Variants in DIP2A observed in about 807,000 individuals in gnomAD.
DIP2A encodes the protein disco-interacting protein 2 homolog A.
Under a neutral mutation model 177.4 loss-of-function variants are expected in DIP2A, and 85 were observed. The ratio of observed to expected loss-of-function variants is 0.48; its 90% CI spans 0.40 to 0.57. The LOEUF (loss-of-function observed/expected upper bound fraction) is 0.57. Ranked by LOEUF, DIP2A falls within the 20% of genes least tolerant of loss-of-function variation. The pLI is 0.00. For missense variants in DIP2A, 1,791 were observed against 2,100.2 expected, an observed-to-expected ratio of 0.85 and a Z score of 2.88; for synonymous variants, 886 against 881.8, an observed-to-expected ratio of 1.00 and a Z score of -0.08.
At chr21:46,577,087 T>C in the DIP2A span, among the ~76,000 whole-genome samples, 12 of 152,208 alleles carry the variant, frequency 7.9e-5, no homozygotes, top group Admixed American at 2.0e-4. Flanking sequence ...GTCTGTTTGC[T>C]CTGATGATAG....
chr21:46,463,965 C>T (rs1388332979), intron 1 of DIP2A, among the ~76,000 whole-genome samples: 2 of 151,764 alleles, frequency 1.3e-5, no homozygotes, highest in African/African-American at 2.4e-5. Flanking sequence ...GCCTCGGCCT[C>T]CCAAAGTGCT....
chr21:46,547,690 G>A (rs966556071), intron 21 of DIP2A, among the ~76,000 whole-genome samples: 1 of 125,820 alleles, frequency 7.9e-6, no homozygotes, highest in Admixed American at 9.4e-5. Context: ...TTTAAAGATA[G>A]GGTCTCACTC....
rs540880873 is a variant in DIP2A, at chr21:46,519,515, G to A, written c.1102+7901G>A. On this transcript the variant is annotated intron_variant, in intron 8 of 37. Coordinates refer to ENST00000417564, the MANE Select transcript of DIP2A (RefSeq NM_015151.4). ...TATAACTTCTTCAGGCTGAACAGGA[G>A]TGATGACATTCCTGCCTAACTATTA... Among the ~76,000 whole-genome samples the A allele has an allele frequency of 5.9e-5, 9 of 152,316 alleles. No homozygotes were observed. In the South Asian group the frequency reaches 1.7e-3, roughly 28 times the overall value.
chr21:46,557,798 C>T lies in DIP2A; in HGVS notation c.3798+45C>T. The T allele has an allele frequency of 6.4e-7, 1 of 1,571,550 alleles. No individual in the cohort carries two copies. The highest frequency in any genetic ancestry group is 8.7e-7 in the Non-Finnish European group (1 of 1,152,480). On this transcript the variant is annotated intron_variant, in intron 31 of 37. Coordinates refer to ENST00000417564, the MANE Select transcript of DIP2A (RefSeq NM_015151.4). This position sits in a 1 kb window ranked among gnomAD's most constrained non-coding sequence, Gnocchi z 6.0. ...CTTCTGAGTGTGCTGCAGACCACAG[C>T]CCTGGGAAGTTTAAAAACAACAAAA...
At chr21:46,491,146 A>G (rs1424411311) in intron 3 of DIP2A, among the ~76,000 whole-genome samples, 1 of 151,700 alleles carries the variant, frequency 6.6e-6, no homozygotes, top group Non-Finnish European at 1.5e-5. Context: ...GATTTCTGCC[A>G]CTCTGTTTGG....
chr21:46,461,383 T>G (rs566318505), intron 1 of DIP2A, among the ~76,000 whole-genome samples: 3 of 151,010 alleles, frequency 2.0e-5, no homozygotes, highest in African/African-American at 7.3e-5. Context: ...TTTGACAGGA[T>G]CTACTGTACT....
At position 46,484,085 on chromosome 21, in the gene DIP2A, C is replaced by T. The variant is rs369603143; in HGVS notation, c.92-672C>T. Among the ~76,000 whole-genome samples, 87 of 152,308 alleles carry T rather than the reference C, an allele frequency of 5.7e-4. No homozygotes were observed. The Middle Eastern group carries it at 0.014, about 24-fold the overall frequency. On this transcript the variant is annotated intron_variant, in intron 1 of 37. Coordinates refer to ENST00000417564, the MANE Select transcript of DIP2A (RefSeq NM_015151.4). ...TTTTTCCTCCTTTCCCAAGGACACCCCTTGGCCTGGGACGGCTTGTGTCCC... is the reference window on the plus strand; with the variant it reads ...TTTTTCCTCCTTTCCCAAGGACACCTCTTGGCCTGGGACGGCTTGTGTCCC...
At chr21:46,555,387 TC>T in intron 28 of DIP2A, 1 of 221,632 alleles carries the variant, frequency 4.5e-6, no homozygotes, top group Non-Finnish European at 9.2e-6. Context: ...TGGACCTGTC[TC>T]AGCCTGGGCT....
At position 46,534,106 on chromosome 21, in the gene DIP2A, A is replaced by G. The variant is rs745612081; in HGVS notation, c.1532A>G (p.Tyr511Cys). ...CAGGACACAGGGACTGGGACTGCCTACATTGAGGTAATGACTGTTCCTAAC... is the reference window on the plus strand; with the variant it reads ...CAGGACACAGGGACTGGGACTGCCTGCATTGAGGTAATGACTGTTCCTAAC... ...LAQDTGTGTA[Y>C]IEYKTSKEGS... Residue 511 changes from tyrosine to cysteine, a missense_variant, in exon 12 of 38, where the codon TAC (tyrosine) becomes TGC (cysteine). Tyr to Cys is a radical substitution (Grantham distance 194). Coordinates refer to ENST00000417564, the MANE Select transcript of DIP2A (RefSeq NM_015151.4). The G allele has an allele frequency of 6.2e-7, 1 of 1,612,456 alleles. No homozygotes were observed. The highest frequency in any genetic ancestry group is 2.2e-5 in the East Asian group (1 of 44,852).
intron 32 of DIP2A, 168 bp downstream of exon 32, chr21:46,558,561 T>G (rs2148898805): frequency 1.4e-6 from 1 of 696,732 alleles, no homozygotes; most frequent in East Asian, 2.7e-5. Context: ...GTTTTATTTT[T>G]AAAGATGTTC....
rs1361515815 is a variant in DIP2A, at chr21:46,569,492, A to G, written c.*1870A>G. 1 of 152,160 alleles carries G rather than the reference A, an allele frequency of 6.6e-6. No homozygotes were observed. Among genetic ancestry groups the G allele is most frequent in the African/African-American group, 2.4e-5 (1 of 41,432 alleles). 9.4% of individuals were successfully genotyped at this position (152,160 alleles called of 1,614,324 possible). On this transcript the variant is annotated 3_prime_UTR_variant, in exon 38 of 38. Coordinates refer to ENST00000417564, the MANE Select transcript of DIP2A (RefSeq NM_015151.4). ...TGGCTGGGAAGGGAAAGAAAAAAAA[A>G]AAAAAACTACCTAACTCCAATCTTA...
At chr21:46,461,419 A>T (rs1470444003) in intron 1 of DIP2A, among the ~76,000 whole-genome samples, 1 of 152,154 alleles carries the variant, frequency 6.6e-6, no homozygotes, top group East Asian at 1.9e-4. Context: ...CTTTAGGGAA[A>T]ATCACATATA....
At chr21:46,562,424 G>A (rs952514396) in intron 34 of DIP2A, among the ~76,000 whole-genome samples, 11 of 152,204 alleles carry the variant, frequency 7.2e-5, no homozygotes, top group African/African-American at 2.4e-4. Flanking sequence ...CGGGGACCCT[G>A]GTGCCTTCAC....
At chr21:46,477,930 G>C (rs940157112) in intron 1 of DIP2A, among the ~76,000 whole-genome samples, 16 of 152,020 alleles carry the variant, frequency 1.1e-4, no homozygotes, top group African/African-American at 3.6e-4. Context: ...AATTTCATGC[G>C]TGGTGTGAGG....
intron 5 of DIP2A, among the ~76,000 whole-genome samples, chr21:46,502,450 T>A (rs1277545083): frequency 2.9e-5 from 4 of 135,758 alleles, no homozygotes; most frequent in Non-Finnish European, 6.3e-5. Context: ...TTTTTTTTTT[T>A]TTTTTTTTTT....
chr21:46,480,521 C>T (rs1046964055), intron 1 of DIP2A, among the ~76,000 whole-genome samples: 1 of 152,182 alleles, frequency 6.6e-6, no homozygotes, highest in East Asian at 1.9e-4. Flanking sequence ...GTGTCGGCAC[C>T]TCCAGTAGGA....
At chr21:46,575,120 A>C in the DIP2A span, among the ~76,000 whole-genome samples, 20 of 152,174 alleles carry the variant, frequency 1.3e-4, no homozygotes, top group African/African-American at 4.6e-4. Flanking sequence ...AGGATGATTC[A>C]ATATATAAAA....
At chr21:46,574,214 A>T (rs1456657484), downstream of DIP2A, among the ~76,000 whole-genome samples, 1 of 152,202 alleles carries the variant, frequency 6.6e-6, no homozygotes, top group Non-Finnish European at 1.5e-5. Flanking sequence ...AAATACAGAA[A>T]TTAGTGAAAA....
At position 46,556,842 on chromosome 21, in the gene DIP2A, A is replaced by G. The variant is rs1435877696; in HGVS notation, c.3499-97A>G. Reference sequence around the variant, plus strand: ...ATATGATGTTTGGTAGTTCGGAGCTATGGTCTAGCCATGTGAACAGCGGAC... The same window carrying G: ...ATATGATGTTTGGTAGTTCGGAGCTGTGGTCTAGCCATGTGAACAGCGGAC... On this transcript the variant is annotated intron_variant, in intron 29 of 37. Coordinates refer to ENST00000417564, the MANE Select transcript of DIP2A (RefSeq NM_015151.4). This position sits in a 1 kb window ranked among gnomAD's most constrained non-coding sequence, Gnocchi z 4.5. 2.5e-5 allele frequency: 28 copies of G among 1,103,422 alleles called. No individual in the cohort carries two copies. The highest frequency in any genetic ancestry group is 3.1e-5 in the African/African-American group (2 of 63,500). 68.4% of individuals were successfully genotyped at this position (1,103,422 alleles called of 1,614,324 possible).
Sources: gnomAD v4.1 joint callset for allele counts (sites outside exome capture counted in the v4.1 genomes callset) on GRCh38, gnomAD v4.1.1 for gene constraint, Gnocchi (gnomAD v3.1) non-coding constraint, MANE v1.5 for transcripts, NCBI Gene and HGNC (gene_info 2026-07-23, HGNC 2026-07-21) for gene names.